The following FAT1 variants were observed in gnomAD, a reference collection of about 807,000 sequenced individuals.
The protein encoded by FAT1 is FAT atypical cadherin 1.
Under a neutral mutation model 329.8 loss-of-function variants are expected in FAT1, and 171 were observed. The observed-to-expected ratio is 0.52, with a 90% CI of 0.46 to 0.59. The LOEUF (loss-of-function observed/expected upper bound fraction) is 0.59, where lower values mean the gene tolerates loss of function less well. Among genes scored for constraint, FAT1 ranks in the 20% least tolerant of loss-of-function variants. FAT1 has a pLI of 0.00. For synonymous variants in FAT1, 2,233 were observed against 2,228.6 expected, an observed-to-expected ratio of 1.00 and a Z score of -0.06; for missense variants, 5,672 against 5,774.4, an observed-to-expected ratio of 0.98 and a Z score of 0.57.
chr4:186,638,614 T>C (rs1056398757), intron 4 of FAT1, among the ~76,000 whole-genome samples: 1 of 119,948 alleles, frequency 8.3e-6, no homozygotes, highest in Non-Finnish European at 1.8e-5. Flanking sequence ...CAGTTCCCAA[T>C]GCACACACAC....
intron 1 of FAT1, among the ~76,000 whole-genome samples, chr4:186,719,535 C>T (rs1244744659): frequency 2.0e-5 from 3 of 152,166 alleles, no homozygotes; most frequent in African/African-American, 4.8e-5. Flanking sequence ...TTTCCAATCT[C>T]ACCACTTCCC....
At chr4:186,718,046 G>C (rs952791945) in intron 1 of FAT1, among the ~76,000 whole-genome samples, 1 of 152,156 alleles carries the variant, frequency 6.6e-6, no homozygotes, top group East Asian at 1.9e-4. Context: ...TCCCAAGTTG[G>C]TAAGTAAGAC....
At chr4:186,643,699 C>T (rs2126579766) in intron 3 of FAT1, among the ~76,000 whole-genome samples, 3 of 152,216 alleles carry the variant, frequency 2.0e-5, no homozygotes, top group Middle Eastern at 6.8e-3. Flanking sequence ...ACCCGAACCC[C>T]CTGCACTCTG....
chr4:186,674,855 G>A (rs1030317653), intron 2 of FAT1, among the ~76,000 whole-genome samples: 3 of 151,994 alleles, frequency 2.0e-5, no homozygotes, highest in Non-Finnish European at 4.4e-5. Flanking sequence ...ACAACATGGC[G>A]AAACCTCGTC....
intron 3 of FAT1, among the ~76,000 whole-genome samples, chr4:186,642,510 G>C (rs1425478621): frequency 2.6e-5 from 4 of 152,228 alleles, no homozygotes; most frequent in Admixed American, 2.6e-4. Context: ...ATATGTGCTA[G>C]AGTGAGAGAG....
chr4:186,600,445 T>C, intron 21 of FAT1, 85 bp from the exon 22 acceptor site: 2 of 1,189,410 alleles, frequency 1.7e-6, no homozygotes, highest in Non-Finnish European at 2.4e-6. Flanking sequence ...GGAGAGGGCT[T>C]AGGGAGTGAG....
chr4:186,637,151 A>G (rs540335547), intron 4 of FAT1, among the ~76,000 whole-genome samples: 91 of 151,892 alleles, frequency 6.0e-4, no homozygotes, highest in Non-Finnish European at 5.9e-4. Context: ...AAACAGCTGC[A>G]CCCCTGCGCG....
At position 186,595,703 on chromosome 4, in the gene FAT1, G is replaced by A. The variant is rs769928509; in HGVS notation, c.13124C>T (p.Ser4375Leu). ...TGCTGCCTCACCATTGTCATCGCACGATTCGGACTGGAAGGAGCTCAGAGA... is the reference window on the plus strand; with the variant it reads ...TGCTGCCTCACCATTGTCATCGCACAATTCGGACTGGAAGGAGCTCAGAGA... ...VQSLSSFQSE[S>L]CDDNGYHWDT... is the part of the protein sequence containing the mutation. The change falls in exon 26 of 27, where the codon TCG becomes TTG. Residue 4375 changes from serine to leucine, a missense_variant. Ser to Leu is a moderately radical substitution (Grantham distance 145). This residue lies in a region of FAT1 where 1,706 missense variants were observed against 1,859.1 expected (regional missense o/e 0.92). Transcript: ENST00000441802. The A allele has an allele frequency of 1.5e-5, 25 of 1,613,826 alleles. No individual in the cohort carries two copies. The highest frequency in any genetic ancestry group is 1.2e-4 in the African/African-American group (9 of 74,920).
At chr4:186,679,279 T>C (rs1273737471) in intron 2 of FAT1, among the ~76,000 whole-genome samples, 1 of 151,320 alleles carries the variant, frequency 6.6e-6, no homozygotes, top group Non-Finnish European at 1.5e-5. Flanking sequence ...TACCCGGGCG[T>C]GGTGGCGGGA....
chr4:186,655,361 T>G (rs966172808), intron 3 of FAT1, among the ~76,000 whole-genome samples: 1 of 151,792 alleles, frequency 6.6e-6, no homozygotes, highest in Admixed American at 6.6e-5. Context: ...ACCAGTGAAA[T>G]GGACAGTGAA....
chr4:186,606,239 C>G (rs750708906), intron 16 of FAT1, 26 bp from the exon 17 acceptor site: 1 of 1,611,502 alleles, frequency 6.2e-7, no homozygotes, highest in Non-Finnish European at 8.5e-7. Flanking sequence ...ACAGAATGCA[C>G]GTTCATTTTC....
rs200804199 is a variant in FAT1, at chr4:186,677,491, GT to G, written c.3266-13879del. Among the ~76,000 whole-genome samples the G allele has an allele frequency of 1.2e-3, 177 of 146,406 alleles. 1 individual carries two copies. Among genetic ancestry groups the G allele is most frequent in the African/African-American group, 2.1e-3 (83 of 40,314 alleles). ...ATAACTCCCGTTTTCTAAATTCAGG[GT>G]TTTTTTTTTTAATGAAGAACGGTGT... On this transcript the variant is annotated intron_variant, in intron 2 of 26. Transcript: ENST00000441802.
intron 2 of FAT1, among the ~76,000 whole-genome samples, chr4:186,676,658 A>T: frequency 6.6e-6 from 1 of 152,102 alleles, no homozygotes; most frequent in Non-Finnish European, 1.5e-5. Flanking sequence ...TCCTTAAAGC[A>T]CTCCCTTGCT....
At chr4:186,690,829 T>C (rs1015464622) in intron 2 of FAT1, among the ~76,000 whole-genome samples, 33 of 152,218 alleles carry the variant, frequency 2.2e-4, no homozygotes, top group Non-Finnish European at 4.4e-4. Context: ...GGGTGGAATA[T>C]ACACTGATTT....
At chr4:186,679,416 CAAAAAA>C (rs1169141587) in intron 2 of FAT1, among the ~76,000 whole-genome samples, 6 of 50,308 alleles carry the variant, frequency 1.2e-4, no homozygotes, top group Non-Finnish European at 2.5e-4. Context: ...GACTCTGTCT[CAAAAAA>C]AAAAAAAAAA....
At chr4:186,699,030 G>A (rs1325410130) in intron 2 of FAT1, among the ~76,000 whole-genome samples, 3 of 152,144 alleles carry the variant, frequency 2.0e-5, no homozygotes, top group African/African-American at 7.2e-5. Context: ...TGAACTCCAT[G>A]AGCAGAGTAT....
chr4:186,598,438 A>C (rs1738641674), intron 22 of FAT1: 1 of 223,790 alleles, frequency 4.5e-6, no homozygotes. Context: ...GCACCACTTA[A>C]CATCTCAATT....
At chr4:186,686,950 C>G (rs1743497526) in intron 2 of FAT1, among the ~76,000 whole-genome samples, 1 of 152,160 alleles carries the variant, frequency 6.6e-6, no homozygotes, top group Non-Finnish European at 1.5e-5. Context: ...ACGAAAAATT[C>G]AACTACTTCT....
chr4:186,708,676 T>C lies in FAT1; in HGVS notation c.1152A>G (p.Thr384=), dbSNP rs2126698223. Residue 384 remains threonine (T), a synonymous_variant, in exon 2 of 27, where the codon ACA becomes ACG. Transcript: ENST00000441802. ...GAATGGCCTTTACCATGACCACAGGTGTGTTGGGAGGAGCAAATTCACTTA... is the reference window on the plus strand; with the variant it reads ...GAATGGCCTTTACCATGACCACAGGCGTGTTGGGAGGAGCAAATTCACTTA... ...AEISEFAPPN[T]PVVMVKAIPA... is the part of the protein sequence containing the mutation. 2 of 1,613,850 alleles carry C rather than the reference T, an allele frequency of 1.2e-6. No homozygotes were observed. The highest frequency in any genetic ancestry group is 1.7e-6 in the Non-Finnish European group (2 of 1,179,880).
Sources: allele counts gnomAD v4.1 joint callset (sites outside exome capture counted in the v4.1 genomes callset), GRCh38; gene constraint gnomAD v4.1.1; regional missense constraint gnomAD v4.1.1; transcripts MANE v1.5; gene names NCBI Gene and HGNC (gene_info 2026-07-23, HGNC 2026-07-21).